The following SLMAP variants were observed in gnomAD, a reference collection of about 807,000 sequenced individuals.
The protein encoded by SLMAP is sarcolemmal membrane-associated protein.
SLMAP carries 44 observed loss-of-function variants against 128.8 expected under a neutral mutation model. The observed-to-expected ratio is 0.34, with a 90% CI of 0.27 to 0.44. The LOEUF (loss-of-function observed/expected upper bound fraction) is 0.44, where lower values mean the gene tolerates loss of function less well. Among genes scored for constraint, SLMAP ranks in the 20% least tolerant of loss-of-function variants. The probability of loss-of-function intolerance (pLI) is 1.00; values close to 1 mark genes in which losing one functional copy is unlikely to be tolerated. For synonymous variants in SLMAP, 327 were observed against 348.8 expected (o/e 0.94, Z 0.70); for missense variants, 787 against 985.3 (o/e 0.80, Z 2.69).
intron 3 of SLMAP, 51 bp downstream of exon 3, chr3:57,831,581 AT>A: frequency 8.0e-7 from 1 of 1,244,058 alleles, no homozygotes; most frequent in Non-Finnish European, 1.1e-6. Context: ...AGGTTATTTA[AT>A]TTTTTATTAT....
At chr3:57,777,925 T>C (rs1406650795) in intron 2 of SLMAP, among the ~76,000 whole-genome samples, 1 of 152,224 alleles carries the variant, frequency 6.6e-6, no homozygotes, top group Non-Finnish European at 1.5e-5. Flanking sequence ...GTGAATTTCA[T>C]TGATTGATTT....
At chr3:57,817,723 G>T (rs1435587504) in intron 2 of SLMAP, among the ~76,000 whole-genome samples, 1 of 152,158 alleles carries the variant, frequency 6.6e-6, no homozygotes, top group Non-Finnish European at 1.5e-5. Context: ...ACCTAGTATA[G>T]CTCCTAGCAT....
At chr3:57,794,422 G>GT (rs947582096) in intron 2 of SLMAP, among the ~76,000 whole-genome samples, 3 of 151,962 alleles carry the variant, frequency 2.0e-5, no homozygotes, top group Admixed American at 6.6e-5. Flanking sequence ...CAAAATTTAT[G>GT]TTTTTTTATG....
chr3:57,836,236 G>A (rs2093634416), intron 3 of SLMAP, among the ~76,000 whole-genome samples: 1 of 151,992 alleles, frequency 6.6e-6, no homozygotes, highest in Non-Finnish European at 1.5e-5. Flanking sequence ...AGAAGGAATA[G>A]AGGAGAAGAG....
At chr3:57,895,943 CAA>C (rs572722491) in intron 15 of SLMAP, among the ~76,000 whole-genome samples, 11 of 112,506 alleles carry the variant, frequency 9.8e-5, no homozygotes, top group Admixed American at 9.4e-5. Flanking sequence ...GACGCTGTCT[CAA>C]AAAAAAAAAA....
chr3:57,919,561 G>T (rs891468173), intron 22 of SLMAP, among the ~76,000 whole-genome samples: 11 of 152,044 alleles, frequency 7.2e-5, no homozygotes, highest in African/African-American at 2.4e-4. Flanking sequence ...TTGGGAGGCC[G>T]AGGTGAGCAG....
intron 14 of SLMAP, among the ~76,000 whole-genome samples, chr3:57,874,441 A>G (rs2095555929): frequency 6.6e-6 from 1 of 152,108 alleles, no homozygotes; most frequent in African/African-American, 2.4e-5. Flanking sequence ...TTATTTTGTT[A>G]TTATTACTGG....
chr3:57,873,215 A>G (rs1222600026), intron 14 of SLMAP, among the ~76,000 whole-genome samples: 3 of 152,160 alleles, frequency 2.0e-5, no homozygotes, highest in Admixed American at 6.5e-5. Context: ...TTTTAAAACA[A>G]TATTTGGCCG....
At chr3:57,834,595 C>T (rs185192453) in intron 3 of SLMAP, among the ~76,000 whole-genome samples, 4 of 152,106 alleles carry the variant, frequency 2.6e-5, no homozygotes, top group African/African-American at 9.6e-5. Context: ...ATTAAAGATT[C>T]ACCATTGAAA....
intron 3 of SLMAP, among the ~76,000 whole-genome samples, chr3:57,839,611 T>C (rs1231440142): frequency 6.6e-6 from 1 of 151,638 alleles, no homozygotes; most frequent in Non-Finnish European, 1.5e-5. Context: ...CGGCTATTTT[T>C]GTTTTTTTCT....
chr3:57,880,294 C>T (rs969693947), intron 14 of SLMAP, among the ~76,000 whole-genome samples: 18 of 151,862 alleles, frequency 1.2e-4, no homozygotes, highest in Admixed American at 2.0e-4. Flanking sequence ...CTCCGCCTCC[C>T]GGGTTCAAGT....
intron 2 of SLMAP, among the ~76,000 whole-genome samples, chr3:57,816,210 C>A (rs935451181): frequency 6.6e-6 from 1 of 152,120 alleles, no homozygotes; most frequent in Non-Finnish European, 1.5e-5. Flanking sequence ...GTGATGTGAT[C>A]TAGGTTCATT....
At chr3:57,768,524 G>A (rs2080178721) in intron 2 of SLMAP, among the ~76,000 whole-genome samples, 1 of 152,102 alleles carries the variant, frequency 6.6e-6, no homozygotes, top group African/African-American at 2.4e-5. Context: ...TTCAAGTTCA[G>A]CCTGGGCAAC....
chr3:57,907,980 G>A lies in SLMAP; in HGVS notation c.1598G>A (p.Ser533Asn), dbSNP rs2096608096. 1 of 1,613,636 alleles carries A rather than the reference G, an allele frequency of 6.2e-7. No homozygotes were observed. The highest frequency in any genetic ancestry group is 8.5e-7 in the Non-Finnish European group (1 of 1,179,754). ...LIEAQELART[S>N]KQKCFELQAL... ...GAAGCCCAGGAGCTAGCTAGAACAA[G>A]TAAACAAAAATGCTTTGAACTTCAA... The change falls in exon 18 of 25, where the codon AGT (serine) becomes AAT (asparagine). Residue 533 changes from serine (S) to asparagine (N), a missense_variant. Physicochemically the swap from Ser to Asn is conservative, Grantham distance 46. Coordinates refer to ENST00000671191, the MANE Select transcript of SLMAP (RefSeq NM_001377540.1).
At chr3:57,816,564 C>T (rs1367115306) in intron 2 of SLMAP, among the ~76,000 whole-genome samples, 1 of 152,144 alleles carries the variant, frequency 6.6e-6, no homozygotes, top group Non-Finnish European at 1.5e-5. Flanking sequence ...GTATGAATTA[C>T]ATCATTTATT....
intron 2 of SLMAP, among the ~76,000 whole-genome samples, chr3:57,762,807 C>T (rs561501389): frequency 6.6e-6 from 1 of 151,342 alleles, no homozygotes; most frequent in Non-Finnish European, 1.5e-5. Flanking sequence ...CCTCTCCCTC[C>T]TGGGTTCAAG....
chr3:57,912,387 T>C lies in SLMAP; in HGVS notation c.1706T>C (p.Leu569Ser), dbSNP rs778196425. 6.2e-7 allele frequency: 1 copy of C among 1,606,278 alleles called. No homozygotes were observed. Among genetic ancestry groups the C allele is most frequent in the South Asian group, 1.1e-5 (1 of 91,004 alleles). The change falls in exon 20 of 25, where the codon TTG becomes TCG. Residue 569 changes from leucine to serine, a missense_variant. By Grantham distance (145) the Leu-to-Ser change is moderately radical. Around this residue, in one of 2 missense-constraint regions of SLMAP, gnomAD observed 715 missense variants for 843.6 expected, o/e 0.85. Transcript: ENST00000671191. ...TKQIQVLQAQ[L>S]QRLHIDTENL... Reference sequence around the variant, plus strand: ...GATGGATATACTTTTGCAGCCCAATTGCAGAGGTTACACATCGATACTGAG... The same window carrying C: ...GATGGATATACTTTTGCAGCCCAATCGCAGAGGTTACACATCGATACTGAG...
rs555150237 is a variant in SLMAP, at chr3:57,880,778, G to A, written c.1300+9080G>A. Among the ~76,000 whole-genome samples the A allele has an allele frequency of 3.3e-5, 5 of 151,638 alleles. No individual in the cohort carries two copies. The East Asian group carries it at 7.8e-4, about 24-fold the overall frequency. On this transcript the variant is annotated intron_variant, in intron 14 of 24. Transcript: ENST00000671191. ...CACATGCTTGTAGTCATACCTGCCC[G>A]GGAGGCTGAGGTGGGAGGATCGCTT...
Position 57,929,820 on chromosome 3 carries a change from C to A in SLMAP, c.*2531C>A, listed in dbSNP as rs765290578. ...TCTCCATTTTCTCATTTATAACATGCGGAGAATAATACTTATATTTGTGGT... is the reference window on the plus strand; with the variant it reads ...TCTCCATTTTCTCATTTATAACATGAGGAGAATAATACTTATATTTGTGGT... On this transcript the variant is annotated 3_prime_UTR_variant, in exon 25 of 25. Transcript: ENST00000671191. Among the ~76,000 whole-genome samples the A allele has an allele frequency of 6.6e-6, 1 of 151,940 alleles. No individual in the cohort carries two copies. The highest frequency in any genetic ancestry group is 1.5e-5 in the Non-Finnish European group (1 of 68,010).
Sources: allele counts gnomAD v4.1 joint callset (sites outside exome capture counted in the v4.1 genomes callset), GRCh38; gene constraint gnomAD v4.1.1; regional missense constraint gnomAD v4.1.1; transcripts MANE v1.5; gene names NCBI Gene and HGNC (gene_info 2026-07-23, HGNC 2026-07-21).